NAALADL2: variants seen among roughly 807,000 people sequenced by gnomAD.
The protein encoded by NAALADL2 is inactive N-acetylated-alpha-linked acidic dipeptidase-like protein 2.
A neutral mutation model predicts 87.2 loss-of-function variants in NAALADL2; 76 were observed. The ratio of observed to expected loss-of-function variants is 0.87; its 90% CI spans 0.72 to 1.05. NAALADL2 has a LOEUF of 1.05. NAALADL2 is among the 50% of genes least tolerant of loss of function. NAALADL2 has a pLI of 0.00. For missense variants in NAALADL2, 1,089 were observed against 945.8 expected (o/e 1.15, Z -1.99); for synonymous variants, 354 against 331.0 (o/e 1.07, Z -0.75).
At chr3:175,640,661 C>T (rs1729158511) in intron 11 of NAALADL2, among the ~76,000 whole-genome samples, 1 of 152,086 alleles carries the variant, frequency 6.6e-6, no homozygotes, top group East Asian at 1.9e-4. Flanking sequence ...TTCACAATAG[C>T]ATTAACTGTC....
At chr3:175,642,570 G>A (rs1266830645) in intron 11 of NAALADL2, among the ~76,000 whole-genome samples, 2 of 149,630 alleles carry the variant, frequency 1.3e-5, no homozygotes, top group East Asian at 2.0e-4. Flanking sequence ...GTGCGATCTC[G>A]GCTCACTGCA....
At chr3:174,503,752 TATA>T (rs1423346298) in intron 1 of NAALADL2, among the ~76,000 whole-genome samples, 3 of 152,122 alleles carry the variant, frequency 2.0e-5, no homozygotes, top group Admixed American at 2.0e-4. Flanking sequence ...TGTCTTCTAA[TATA>T]AGAAGAACAA....
rs1014832330 is a variant in NAALADL2 at position 175,234,107 on chromosome 3, A to C, written c.722A>C (p.His241Pro). ...VTLSSSGQCFHPNGQPCSEEA... is the reference protein window; with the variant it reads ...VTLSSSGQCFPPNGQPCSEEA... ...CTGAGCAGCAGTGGTCAATGCTTTCATCCTAATGGCCAGCCTTGCAGTGAA... is the reference window on the plus strand; with the variant it reads ...CTGAGCAGCAGTGGTCAATGCTTTCCTCCTAATGGCCAGCCTTGCAGTGAA... The change falls in exon 3 of 14, where the codon CAT becomes CCT. Residue 241 changes from histidine to proline, a missense_variant. Physicochemically the swap from His to Pro is moderately conservative, Grantham distance 77. Transcript: ENST00000454872. The C allele has an allele frequency of 2.5e-6, 4 of 1,613,778 alleles. No homozygotes were observed. The highest frequency in any genetic ancestry group is 3.4e-6 in the Non-Finnish European group (4 of 1,179,850).
chr3:174,498,914 C>T (rs540937676), intron 1 of NAALADL2, among the ~76,000 whole-genome samples: 1 of 152,032 alleles, frequency 6.6e-6, no homozygotes, highest in South Asian at 2.1e-4. Flanking sequence ...CTTTCACTTT[C>T]CATGGTTTTA....
At chr3:174,665,223 G>A (rs535808522) in intron 2 of NAALADL2, among the ~76,000 whole-genome samples, 20 of 152,142 alleles carry the variant, frequency 1.3e-4, no homozygotes, top group African/African-American at 4.6e-4. Context: ...CTAACAATAG[G>A]GGGAAGAAAC....
At chr3:175,701,519 C>CA (rs993139522) in intron 11 of NAALADL2, among the ~76,000 whole-genome samples, 9 of 151,838 alleles carry the variant, frequency 5.9e-5, no homozygotes, top group African/African-American at 2.2e-4. Flanking sequence ...ACGTATTTAC[C>CA]AAAAAATGGC....
At chr3:175,580,528 C>A (rs939714235) in intron 10 of NAALADL2, among the ~76,000 whole-genome samples, 1 of 152,006 alleles carries the variant, frequency 6.6e-6, no homozygotes, top group African/African-American at 2.4e-5. Context: ...TTTAAAAGTT[C>A]TTGATTTAAG....
chr3:174,861,982 A>G (rs1039147903), intron 1 of NAALADL2, among the ~76,000 whole-genome samples: 2 of 152,018 alleles, frequency 1.3e-5, no homozygotes, highest in African/African-American at 2.4e-5. Context: ...CTTTTCAAAC[A>G]TAAAAAGGAA....
chr3:175,118,544 G>C (rs182339356), intron 2 of NAALADL2, among the ~76,000 whole-genome samples: 41 of 151,860 alleles, frequency 2.7e-4, no homozygotes, highest in Non-Finnish European at 4.7e-4. Context: ...ATTAAATTGT[G>C]AAAAGACCAG....
intron 1 of NAALADL2, among the ~76,000 whole-genome samples, chr3:175,094,942 A>G (rs140901542): frequency 2.2e-4 from 33 of 152,150 alleles, no homozygotes; most frequent in African/African-American, 4.8e-4. Context: ...TAGATGCTTT[A>G]GGTTTACTAT....
chr3:174,464,297 T>G (rs1716390018), intron 1 of NAALADL2, among the ~76,000 whole-genome samples: 3 of 152,060 alleles, frequency 2.0e-5, no homozygotes, highest in Admixed American at 6.6e-5. Context: ...TTTTTAAGCA[T>G]AAACAGTAGT....
At chr3:175,333,726 C>A (rs1227312825) in intron 5 of NAALADL2, among the ~76,000 whole-genome samples, 1 of 151,934 alleles carries the variant, frequency 6.6e-6, no homozygotes, top group Non-Finnish European at 1.5e-5. Context: ...GGTACAAATA[C>A]ATAGCTAGAT....
intron 10 of NAALADL2, among the ~76,000 whole-genome samples, 167 bp from the exon 11 acceptor site, chr3:175,627,124 A>C (rs1406102791): frequency 6.6e-6 from 1 of 151,920 alleles, no homozygotes; most frequent in African/African-American, 2.4e-5. Flanking sequence ...ATTTTAATTT[A>C]TACATATTCT....
intron 3 of NAALADL2, among the ~76,000 whole-genome samples, chr3:174,854,060 T>C (rs967436026): frequency 1.5e-4 from 23 of 152,270 alleles, no homozygotes; most frequent in African/African-American, 5.5e-4. Context: ...AATCAATATA[T>C]CAAAGATGTA....
chr3:175,240,768 G>T (rs1329745430), intron 3 of NAALADL2, among the ~76,000 whole-genome samples: 1 of 152,070 alleles, frequency 6.6e-6, no homozygotes, highest in Non-Finnish European at 1.5e-5. Context: ...CGATTCTCCT[G>T]GCTCAGCCTC....
chr3:174,597,297 T>C (rs1264809859), intron 2 of NAALADL2, among the ~76,000 whole-genome samples: 3 of 152,156 alleles, frequency 2.0e-5, no homozygotes, highest in African/African-American at 4.8e-5. Flanking sequence ...AGGGTTGTCA[T>C]TGTAGGATGA....
chr3:174,595,822 C>G lies in NAALADL2; in HGVS notation c.-115+45185C>G, dbSNP rs555475681. 2.0e-5 allele frequency among the ~76,000 whole-genome samples: 3 copies of G among 152,068 alleles called. No individual in the cohort carries two copies. In the South Asian group the frequency reaches 6.2e-4, roughly 32 times the overall value. ...GCTTGGGAGTTCGAGACCAGCCTGACCAACATGCAGAAACCCCGTTTCTAC... is the reference window on the plus strand; with the variant it reads ...GCTTGGGAGTTCGAGACCAGCCTGAGCAACATGCAGAAACCCCGTTTCTAC... On this transcript the variant is annotated intron_variant, in intron 2 of 3. Coordinates refer to the NAALADL2 transcript ENST00000434257.
intron 10 of NAALADL2, among the ~76,000 whole-genome samples, chr3:175,576,564 T>C (rs1398250646): frequency 6.6e-6 from 1 of 152,204 alleles, no homozygotes; most frequent in African/African-American, 2.4e-5. Flanking sequence ...TCATGGTCTG[T>C]ATGTTAATGT....
intron 2 of NAALADL2, among the ~76,000 whole-genome samples, chr3:174,595,856 C>T (rs1717842484): frequency 6.6e-6 from 1 of 151,814 alleles, no homozygotes; most frequent in Non-Finnish European, 1.5e-5. Context: ...ACTAAAAATA[C>T]AAAAAATTAG....
Sources: allele counts gnomAD v4.1 joint callset (sites outside exome capture counted in the v4.1 genomes callset), GRCh38; gene constraint gnomAD v4.1.1; transcripts MANE v1.5; gene names NCBI Gene and HGNC (gene_info 2026-07-23, HGNC 2026-07-21).